Variants in ARMH4 observed in about 807,000 individuals in gnomAD.
ARMH4 encodes armadillo like helical domain containing 4, also known as armadillo-like helical domain-containing protein 4.
ARMH4 carries 49 observed loss-of-function variants against 61.9 expected under a neutral mutation model. That is an observed-to-expected ratio of 0.79 (90% CI 0.63 to 1.00). The LOEUF (loss-of-function observed/expected upper bound fraction) is 1.00. ARMH4 is among the 50% of genes least tolerant of loss of function. ARMH4 has a pLI of 0.00. For synonymous variants in ARMH4, 368 were observed against 341.5 expected, an observed-to-expected ratio of 1.08 and a Z score of -0.85; for missense variants, 934 against 930.0, an observed-to-expected ratio of 1.00 and a Z score of -0.06.
At position 58,070,052 on chromosome 14, in the gene ARMH4, A is replaced by C. The variant is rs1457415104; in HGVS notation, c.2089+26672T>G. Among the ~76,000 whole-genome samples the C allele has an allele frequency of 2.6e-5, 4 of 152,160 alleles. No homozygotes were observed. In the East Asian group the frequency reaches 7.7e-4, roughly 29 times the overall value. On this transcript the variant is annotated intron_variant, in intron 5 of 7. Transcript: ENST00000267485. ...GCAAGGAGGATGGCAAAGAAGGGTAAATTGAACAGTCACTCTTAGGAGACA... is the reference window on the plus strand; with the variant it reads ...GCAAGGAGGATGGCAAAGAAGGGTACATTGAACAGTCACTCTTAGGAGACA...
At chr14:58,072,297 C>T (rs1437668659) in intron 5 of ARMH4, among the ~76,000 whole-genome samples, 3 of 152,080 alleles carry the variant, frequency 2.0e-5, no homozygotes, top group East Asian at 3.8e-4. Flanking sequence ...GATTATAAGA[C>T]GTCACATTTT....
chr14:58,113,023 A>G (rs983467948), intron 4 of ARMH4, among the ~76,000 whole-genome samples: 4 of 152,218 alleles, frequency 2.6e-5, no homozygotes, highest in East Asian at 1.9e-4. Context: ...TTGACAAACC[A>G]TAAGTGTACA....
In ARMH4 at chr14:58,089,771, C is replaced by A. The variant is rs1004099283; in HGVS notation, c.2089+6953G>T. ...TGATATAAATTAGAGGATCAGACAG[C>A]GCATCCTTGAAGTCACACCTCAAAT... On this transcript the variant is annotated intron_variant, in intron 5 of 7. Transcript: ENST00000267485. Among the ~76,000 whole-genome samples the A allele has an allele frequency of 3.9e-5, 6 of 152,308 alleles. No homozygotes were observed. In the East Asian group the frequency reaches 1.2e-3, roughly 29 times the overall value.
intron 5 of ARMH4, among the ~76,000 whole-genome samples, chr14:58,048,493 CG>C (rs1884012785): frequency 6.6e-6 from 1 of 152,294 alleles, no homozygotes; most frequent in African/African-American, 2.4e-5. Flanking sequence ...GAGGCATTCC[CG>C]TAACACTGAC....
intron 4 of ARMH4, chr14:58,116,523 A>G (rs1238110185): frequency 1.2e-5 from 3 of 240,016 alleles, no homozygotes; most frequent in Non-Finnish European, 2.7e-5. Context: ...AAAAAATACA[A>G]AAGTTGGCTG....
intron 6 of ARMH4, among the ~76,000 whole-genome samples, chr14:58,008,618 G>A (rs547408754): frequency 5.3e-4 from 80 of 152,266 alleles, no homozygotes; most frequent in African/African-American, 1.8e-3. Context: ...GCATCCTTAC[G>A]ATTTCTGTGC....
intron 4 of ARMH4, among the ~76,000 whole-genome samples, chr14:58,115,773 T>C (rs1162374520): frequency 5.3e-5 from 8 of 152,172 alleles, no homozygotes; most frequent in Non-Finnish European, 1.2e-4. Context: ...TGGATGTACC[T>C]AGAGGCCATC....
At chr14:58,109,526 A>G (rs78059342) in intron 4 of ARMH4, among the ~76,000 whole-genome samples, 228 of 152,328 alleles carry the variant, frequency 1.5e-3, no homozygotes, top group Non-Finnish European at 3.0e-3. Context: ...ATATAATTAT[A>G]TAGTAAGAGC....
intron 6 of ARMH4, among the ~76,000 whole-genome samples, chr14:58,005,642 A>C (rs1167774077): frequency 6.6e-6 from 1 of 152,164 alleles, no homozygotes; most frequent in African/African-American, 2.4e-5. Context: ...GGGCCTTGAC[A>C]GTGGTGGTCC....
At chr14:58,132,310 A>C (rs1887136028) in intron 3 of ARMH4, among the ~76,000 whole-genome samples, 1 of 152,236 alleles carries the variant, frequency 6.6e-6, no homozygotes, top group African/African-American at 2.4e-5. Flanking sequence ...ACATGATTTC[A>C]AATTCTTAAA....
intron 6 of ARMH4, among the ~76,000 whole-genome samples, chr14:58,009,342 T>A (rs1238512611): frequency 6.6e-6 from 1 of 152,124 alleles, no homozygotes; most frequent in Non-Finnish European, 1.5e-5. Flanking sequence ...TCCCCCTTTT[T>A]CCTCCTTCCT....
rs1318125754 is a variant in ARMH4, at chr14:58,059,279, T to C, written c.2089+37445A>G. Among the ~76,000 whole-genome samples the C allele has an allele frequency of 2.0e-5, 3 of 152,214 alleles. No individual in the cohort carries two copies. In the East Asian group the frequency reaches 5.8e-4, roughly 29 times the overall value. On this transcript the variant is annotated intron_variant, in intron 5 of 7. Coordinates refer to ENST00000267485, the MANE Select transcript of ARMH4 (RefSeq NM_001001872.4). ...CATTTAAATGGCCCTTCGGGTGTTG[T>C]ATGTTTCCCAGGGTCTGTATAGATC...
chr14:58,139,652 A>G (rs1169140437), intron 1 of ARMH4, among the ~76,000 whole-genome samples: 4 of 152,224 alleles, frequency 2.6e-5, no homozygotes. Context: ...ACATAGTTCA[A>G]GTATTAAGTT....
intron 5 of ARMH4, among the ~76,000 whole-genome samples, chr14:58,065,963 G>C (rs937617685): frequency 6.6e-6 from 1 of 152,212 alleles, no homozygotes; most frequent in Non-Finnish European, 1.5e-5. Context: ...CAACAACCAT[G>C]TGAGCTTGGA....
intron 4 of ARMH4, among the ~76,000 whole-genome samples, chr14:58,117,530 CA>C (rs1234739632): frequency 2.0e-5 from 3 of 152,184 alleles, no homozygotes; most frequent in Non-Finnish European, 2.9e-5. Context: ...ATCATACTTA[CA>C]TGCATTTAGC....
Position 58,138,552 on chromosome 14 carries a change from G to A in ARMH4, c.807C>T (p.Ala269=), listed in dbSNP as rs144885532. The A allele has an allele frequency of 3.7e-6, 6 of 1,614,224 alleles. No homozygotes were observed. The African/African-American group carries it at 8.0e-5, about 22-fold the overall frequency. Residue 269 remains alanine (A), a synonymous_variant, in exon 2 of 8, where the codon GCC becomes GCT. Coordinates refer to ENST00000267485, the MANE Select transcript of ARMH4 (RefSeq NM_001001872.4). ...QMTADNTQAA[A]TKQPLETSEY... ...CGGAAGTTTCGAGTGGTTGCTTGGTGGCAGCAGCCTGGGTGTTATCAGCTG... is the reference window on the plus strand; with the variant it reads ...CGGAAGTTTCGAGTGGTTGCTTGGTAGCAGCAGCCTGGGTGTTATCAGCTG...
At chr14:58,099,347 G>C (rs1183613040) in intron 4 of ARMH4, among the ~76,000 whole-genome samples, 1 of 152,210 alleles carries the variant, frequency 6.6e-6, no homozygotes, top group African/African-American at 2.4e-5. Context: ...AGCAGAGGAA[G>C]ATCCACACAG....
At chr14:58,131,295 G>T in intron 4 of ARMH4, 1 of 487,744 alleles carries the variant, frequency 2.1e-6, no homozygotes, top group Non-Finnish European at 3.6e-6. Flanking sequence ...TTCTTCTTTT[G>T]ACTTTTTTTT....
chr14:58,028,344 G>A (rs947563679), intron 5 of ARMH4, among the ~76,000 whole-genome samples: 2 of 152,144 alleles, frequency 1.3e-5, no homozygotes, highest in African/African-American at 4.8e-5. Context: ...CTTGTGCTGA[G>A]TACACCAGGA....
Sources: allele counts gnomAD v4.1 joint callset (sites outside exome capture counted in the v4.1 genomes callset), GRCh38; gene constraint gnomAD v4.1.1; transcripts MANE v1.5; gene names NCBI Gene and HGNC (gene_info 2026-07-23, HGNC 2026-07-21).